The following PCBP3 variants were observed in gnomAD, a reference collection of about 807,000 sequenced individuals.
The protein encoded by PCBP3 is poly(rC) binding protein 3.
Under a neutral mutation model 52.7 loss-of-function variants are expected in PCBP3, and 25 were observed. That is an observed-to-expected ratio of 0.47 (90% CI 0.35 to 0.66). The LOEUF is 0.66. PCBP3 is among the 30% of genes least tolerant of loss of function. The pLI, the probability that PCBP3 is intolerant of heterozygous loss-of-function variation, is 0.01. For synonymous variants in PCBP3, 162 were observed against 183.0 expected (o/e 0.89, Z 0.93); for missense variants, 391 against 490.3 (o/e 0.80, Z 1.91).
At chr21:45,905,908 G>A (rs1018424377) in intron 9 of PCBP3, among the ~76,000 whole-genome samples, 3 of 152,216 alleles carry the variant, frequency 2.0e-5, no homozygotes, top group African/African-American at 7.2e-5. Flanking sequence ...GTTGTGAAGT[G>A]GGATGTTAGG....
chr21:45,713,331 C>T (rs958783677), intron 2 of PCBP3, among the ~76,000 whole-genome samples: 1 of 152,162 alleles, frequency 6.6e-6, no homozygotes, highest in African/African-American at 2.4e-5. Flanking sequence ...CCATTTCTCC[C>T]TTTTAGTTGG....
intron 2 of PCBP3, among the ~76,000 whole-genome samples, chr21:45,692,276 A>G (rs1569122425): frequency 6.6e-6 from 1 of 152,174 alleles, no homozygotes; most frequent in Non-Finnish European, 1.5e-5. Flanking sequence ...AAGTAAGTTG[A>G]AGGAAAAAAA....
At chr21:45,815,799 A>AG (rs1387354538) in intron 4 of PCBP3, among the ~76,000 whole-genome samples, 22 of 77,470 alleles carry the variant, frequency 2.8e-4, no homozygotes, top group East Asian at 5.0e-4. Flanking sequence ...GTGGTGAGTG[A>AG]TGAGTGAGTG....
In PCBP3 at chr21:45,930,158, G is replaced by A. The variant is rs528409720; in HGVS notation, c.796+163G>A. Among the ~76,000 whole-genome samples the A allele has an allele frequency of 2.1e-3, 310 of 150,754 alleles. 1 individual carries two copies. The highest frequency in any genetic ancestry group is 7.3e-3 in the African/African-American group (300 of 41,262). On this transcript the variant is annotated intron_variant, in intron 14 of 17. Coordinates refer to ENST00000681687, the MANE Select transcript of PCBP3 (RefSeq NM_001384156.1). ...GCAGGCTTGCTGGGGCTGGGGCCGG[G>A]GACAGGGTGGGGGCGGGAGGTGGGT...
chr21:45,728,715 G>C (rs2095907477), intron 2 of PCBP3: 1 of 152,040 alleles, frequency 6.6e-6, no homozygotes. Flanking sequence ...ACTTTTCTTT[G>C]TGGGAAGGTT....
intron 2 of PCBP3, among the ~76,000 whole-genome samples, chr21:45,705,888 T>G (rs973905582): frequency 1.3e-4 from 20 of 152,212 alleles, no homozygotes; most frequent in African/African-American, 4.8e-4. Flanking sequence ...TGCTCACTAA[T>G]TCAGTCTCCA....
chr21:45,843,841 T>C (rs972338966), intron 4 of PCBP3, among the ~76,000 whole-genome samples: 1 of 152,208 alleles, frequency 6.6e-6, no homozygotes, highest in Non-Finnish European at 1.5e-5. Flanking sequence ...CCTCTGCTTG[T>C]CAGGTACAGG....
chr21:45,744,452 C>T (rs2086680097), intron 3 of PCBP3: 1 of 152,164 alleles, frequency 6.6e-6, no homozygotes, highest in Non-Finnish European at 1.5e-5. Flanking sequence ...CTGCCACGTC[C>T]TCTCAAAGTG....
At chr21:45,797,438 T>C (rs2091986657) in intron 4 of PCBP3, among the ~76,000 whole-genome samples, 6 of 149,516 alleles carry the variant, frequency 4.0e-5, no homozygotes, top group Admixed American at 4.0e-4. Flanking sequence ...GACGAGTGCA[T>C]GGATCCACAG....
At chr21:45,831,095 A>G in intron 4 of PCBP3, 1 of 152,978 alleles carries the variant, frequency 6.5e-6, no homozygotes, top group Non-Finnish European at 1.5e-5. Context: ...CCTGGCCTCA[A>G]GGAAAGGCCT....
rs114864140 is a variant in PCBP3, at chr21:45,671,370, C to T, written c.-200+2418C>T. 2.5e-3 allele frequency among the ~76,000 whole-genome samples: 378 copies of T among 152,246 alleles called. 2 individuals are homozygous for T. Among genetic ancestry groups the T allele is most frequent in the African/African-American group, 8.8e-3 (365 of 41,528 alleles). On this transcript the variant is annotated intron_variant, in intron 2 of 17. Coordinates refer to ENST00000681687, the MANE Select transcript of PCBP3 (RefSeq NM_001384156.1). The stretch of plus-strand genomic sequence containing the variant: ...TATCAAATCCAGTTGTCGCTCTTGT[C>T]GTTTGATGACTGAACTGACACACAG...
intron 4 of PCBP3, among the ~76,000 whole-genome samples, chr21:45,780,765 C>A (rs2090577106): frequency 1.3e-5 from 2 of 152,182 alleles, no homozygotes; most frequent in East Asian, 3.8e-4. Flanking sequence ...CCATGTGGGA[C>A]ATGTGCACTC....
At chr21:45,938,190 G>A (rs7276791) in intron 16 of PCBP3, among the ~76,000 whole-genome samples, 8,961 of 152,338 alleles carry the variant, frequency 0.059, 647 homozygotes, top group African/African-American at 0.16. Context: ...AGCAGGCTCC[G>A]AGGAGAGATC....
intron 4 of PCBP3, among the ~76,000 whole-genome samples, chr21:45,803,451 T>C (rs960385710): frequency 6.6e-6 from 1 of 152,164 alleles, no homozygotes; most frequent in Non-Finnish European, 1.5e-5. Context: ...AGAGCAGAGC[T>C]TGGGGGCGGG....
intron 16 of PCBP3, 99 bp from the exon 17 acceptor site, chr21:45,939,931 T>C (rs1463703111): frequency 2.8e-6 from 3 of 1,087,020 alleles, no homozygotes; most frequent in Non-Finnish European, 4.1e-6. Context: ...AGTCCAAGGC[T>C]GGCGGCCCGT....
intron 5 of PCBP3, among the ~76,000 whole-genome samples, chr21:45,855,411 C>T (rs1465749888): frequency 6.6e-6 from 1 of 152,114 alleles, no homozygotes; most frequent in Non-Finnish European, 1.5e-5. Context: ...TTGAGAACCG[C>T]ACCATGGGGT....
Position 45,800,653 on chromosome 21 carries a change from G to A in PCBP3, c.-126+45201G>A, listed in dbSNP as rs187951594. On this transcript the variant is annotated intron_variant, in intron 4 of 17. Coordinates refer to ENST00000681687, the MANE Select transcript of PCBP3 (RefSeq NM_001384156.1). This position sits in a 1 kb window ranked among gnomAD's most constrained non-coding sequence, Gnocchi z 5.3. ...GTGCTGGGCCCTTGGGCCAAGCACC[G>A]CATGCAGCCTGGTGCACACCTGTGC... 2.2e-3 allele frequency among the ~76,000 whole-genome samples: 335 copies of A among 152,314 alleles called. 2 individuals carry two copies. The highest frequency in any genetic ancestry group is 7.5e-3 in the African/African-American group (313 of 41,574).
chr21:45,665,826 C>T (rs919116798), intron 1 of PCBP3, among the ~76,000 whole-genome samples: 1 of 152,130 alleles, frequency 6.6e-6, no homozygotes, highest in African/African-American at 2.4e-5. Context: ...AAAAAGAAAA[C>T]TCTAGAGACC....
Position 45,802,472 on chromosome 21 carries a change from G to A in PCBP3, c.-126+47020G>A, listed in dbSNP as rs1332999472. 6.6e-6 allele frequency among the ~76,000 whole-genome samples: 1 copy of A among 152,222 alleles called. No homozygotes were observed. The highest frequency in any genetic ancestry group is 2.4e-5 in the African/African-American group (1 of 41,446). On this transcript the variant is annotated intron_variant, in intron 4 of 17. Coordinates refer to ENST00000681687, the MANE Select transcript of PCBP3 (RefSeq NM_001384156.1). This position sits in a 1 kb window ranked among gnomAD's most constrained non-coding sequence, Gnocchi z 5.1. ...GTCCTGTGCCCGGGCTGCCCAAGGT[G>A]GTGTGAGTGTCAGGGCACGTGGCCC...
Sources: allele counts gnomAD v4.1 joint callset (sites outside exome capture counted in the v4.1 genomes callset), GRCh38; gene constraint gnomAD v4.1.1; non-coding constraint Gnocchi (gnomAD v3.1); transcripts MANE v1.5; gene names NCBI Gene and HGNC (gene_info 2026-07-23, HGNC 2026-07-21).